HIVEP2: variants seen among roughly 807,000 people sequenced by gnomAD.
HIVEP2 encodes the protein HIVEP zinc finger 2, also known as transcription factor HIVEP2.
A neutral mutation model predicts 180.7 loss-of-function variants in HIVEP2; 14 were observed. The ratio of observed to expected loss-of-function variants is 0.08; its 90% CI spans 0.05 to 0.12. The LOEUF (loss-of-function observed/expected upper bound fraction) is 0.12. Among genes scored for constraint, HIVEP2 ranks in the 10% least tolerant of loss-of-function variants. The pLI is 1.00. For missense variants in HIVEP2, 2,579 were observed against 3,008.5 expected (o/e 0.86, Z 3.34); for synonymous variants, 1,184 against 1,136.4 (o/e 1.04, Z -0.84).
chr6:142,897,470 G>A (rs1477477608), intron 1 of HIVEP2, among the ~76,000 whole-genome samples: 1 of 152,122 alleles, frequency 6.6e-6, no homozygotes, highest in Non-Finnish European at 1.5e-5. Flanking sequence ...ATTCATCAAT[G>A]GTAGAACGAA....
At chr6:142,842,691 T>A (rs1775398950) in intron 1 of HIVEP2, among the ~76,000 whole-genome samples, 1 of 152,138 alleles carries the variant, frequency 6.6e-6, no homozygotes. Context: ...CCACAAATTT[T>A]CTTTCCCAGA....
chr6:142,822,667 T>A (rs756324118), intron 2 of HIVEP2, among the ~76,000 whole-genome samples: 1 of 152,180 alleles, frequency 6.6e-6, no homozygotes, highest in Non-Finnish European at 1.5e-5. Context: ...AAATAATAAA[T>A]CCCTTTATAA....
chr6:142,834,036 G>A, intron 2 of HIVEP2, among the ~76,000 whole-genome samples: 1 of 152,156 alleles, frequency 6.6e-6, no homozygotes, highest in Admixed American at 6.5e-5. Context: ...TACTCTGAAT[G>A]ATCTGTGATA....
At chr6:142,918,518 G>A (rs923087127) in intron 1 of HIVEP2, among the ~76,000 whole-genome samples, 9 of 152,188 alleles carry the variant, frequency 5.9e-5, no homozygotes, top group Non-Finnish European at 1.3e-4. Context: ...GTTCTGCCCT[G>A]GCTTTGCGAC....
At chr6:142,903,435 G>GT (rs1222351569) in intron 1 of HIVEP2, among the ~76,000 whole-genome samples, 1 of 152,162 alleles carries the variant, frequency 6.6e-6, no homozygotes, top group African/African-American at 2.4e-5. Flanking sequence ...TATCTCTTAA[G>GT]TTGAAATTCT....
intron 1 of HIVEP2, among the ~76,000 whole-genome samples, chr6:142,941,366 A>G (rs1235361175): frequency 6.6e-6 from 1 of 152,216 alleles, no homozygotes; most frequent in African/African-American, 2.4e-5. Context: ...GGCTTACTCA[A>G]CCTCTTTTTC....
intron 1 of HIVEP2, among the ~76,000 whole-genome samples, chr6:142,885,671 A>G (rs898058118): frequency 2.0e-5 from 3 of 152,160 alleles, no homozygotes; most frequent in East Asian, 1.9e-4. Flanking sequence ...ACTTTCTTAC[A>G]AGAGACCTGA....
chr6:142,934,187 T>C (rs1018846996), intron 1 of HIVEP2, among the ~76,000 whole-genome samples: 4 of 152,152 alleles, frequency 2.6e-5, no homozygotes, highest in African/African-American at 9.7e-5. Flanking sequence ...TGAATTATTC[T>C]CAAAACTTAG....
chr6:142,868,376 A>C (rs1288672469), intron 1 of HIVEP2, among the ~76,000 whole-genome samples: 1 of 152,200 alleles, frequency 6.6e-6, no homozygotes, highest in East Asian at 1.9e-4. Context: ...CATGAGCAAA[A>C]CACATTTTAA....
chr6:142,885,194 G>T (rs898057421), intron 1 of HIVEP2, among the ~76,000 whole-genome samples: 24 of 152,080 alleles, frequency 1.6e-4, no homozygotes, highest in African/African-American at 5.3e-4. Context: ...CCATGGCAAG[G>T]TTCTGACTGC....
At chr6:142,929,100 C>A (rs1777883726) in intron 1 of HIVEP2, among the ~76,000 whole-genome samples, 1 of 152,180 alleles carries the variant, frequency 6.6e-6, no homozygotes, top group Admixed American at 6.5e-5. Flanking sequence ...TCCATTAAAT[C>A]TCTGCAGCAA....
At chr6:142,877,312 AG>A (rs1352688323) in intron 1 of HIVEP2, among the ~76,000 whole-genome samples, 2 of 152,232 alleles carry the variant, frequency 1.3e-5, no homozygotes, top group African/African-American at 4.8e-5. Flanking sequence ...AAGTTTTATT[AG>A]GTGACTGCTA....
At chr6:142,937,337 T>C (rs1335795899) in intron 1 of HIVEP2, among the ~76,000 whole-genome samples, 2 of 152,262 alleles carry the variant, frequency 1.3e-5, no homozygotes, top group Non-Finnish European at 2.9e-5. Context: ...GTTTTTCTTA[T>C]AGTCTAATAC....
chr6:142,768,515 A>T lies in HIVEP2; in HGVS notation c.5209T>A (p.Leu1737Ile). ...FTQMKPDASF[L>I]FGSKLERKLV... ...TTCCTTTCTAGTTTGCTGCCAAATA[A>T]AAAGGACGCATCAGGTTTCATCTGT... Residue 1737 changes from leucine (L) to isoleucine (I), a missense_variant, in exon 6 of 10, where the codon TTA (leucine) becomes ATA (isoleucine). By Grantham distance (5) the Leu-to-Ile change is conservative. Transcript: ENST00000367603. 1 of 1,613,528 alleles carries T rather than the reference A, an allele frequency of 6.2e-7. No individual in the cohort carries two copies. The highest frequency in any genetic ancestry group is 8.5e-7 in the Non-Finnish European group (1 of 1,179,716).
At chr6:142,920,760 T>G (rs765641786) in intron 1 of HIVEP2, among the ~76,000 whole-genome samples, 1 of 152,042 alleles carries the variant, frequency 6.6e-6, no homozygotes, top group Admixed American at 6.5e-5. Context: ...GGCAGGAGGA[T>G]CACTTGAGCC....
Position 142,753,908 on chromosome 6 carries a change from CTGAGGTAATCCT to C in HIVEP2, c.6528_6539del (p.Gly2177_Gln2180del), listed in dbSNP as rs1413313364. On this transcript the variant is annotated inframe_deletion, in exon 10 of 10. Coordinates refer to ENST00000367603, the MANE Select transcript of HIVEP2 (RefSeq NM_006734.4). ...CTCCATAGAGACTGAAGTAAGGAAC[CTGAGGTAATCCT>C]CTTCTTAAATTCTGCGCAGAGAAAC... is the stretch of plus-strand genomic sequence containing the variant. 18 of 1,599,046 alleles carry C rather than the reference CTGAGGTAATCCT, an allele frequency of 1.1e-5. No homozygotes were observed. The highest frequency in any genetic ancestry group is 1.5e-5 in the Non-Finnish European group (17 of 1,170,044).
At position 142,772,826 on chromosome 6, in the gene HIVEP2, T is replaced by C. The variant is rs745452954; in HGVS notation, c.1913A>G (p.Tyr638Cys). Reference sequence around the variant, plus strand: ...CTTATAGGGTTTCCGACAGACATCATAGTCATACCCAACCCTGTCCCCAGG... The same window carrying C: ...CTTATAGGGTTTCCGACAGACATCACAGTCATACCCAACCCTGTCCCCAGG... ...LSPGDRVGYDYDVCRKPYKKW... is the reference protein window; with the variant it reads ...LSPGDRVGYDCDVCRKPYKKW... The change falls in exon 5 of 10, where the codon TAT (tyrosine) becomes TGT (cysteine). Residue 638 changes from tyrosine (Y) to cysteine (C), a missense_variant. Around this residue, in one of 11 missense-constraint regions of HIVEP2, gnomAD observed 524 missense variants for 563.6 expected, o/e 0.93. Coordinates refer to ENST00000367603, the MANE Select transcript of HIVEP2 (RefSeq NM_006734.4). The surrounding 1 kb of genome is among the most constrained non-coding windows in gnomAD (Gnocchi z 4.9). 1.2e-5 allele frequency: 19 copies of C among 1,614,120 alleles called. No homozygotes were observed. Among genetic ancestry groups the C allele is most frequent in the Non-Finnish European group, 1.6e-5 (19 of 1,180,046 alleles).
At position 142,809,284 on chromosome 6, in the gene HIVEP2, T is replaced by C. The variant is rs562058914; in HGVS notation, c.-527-25669A>G. On this transcript the variant is annotated intron_variant, in intron 2 of 9. Coordinates refer to ENST00000367603, the MANE Select transcript of HIVEP2 (RefSeq NM_006734.4). Reference sequence around the variant, plus strand: ...TCTTACTCCTCCTTCAGGCCTCAATTCTGGCACCATCTTTTCCCTGAAGCC... The same window carrying C: ...TCTTACTCCTCCTTCAGGCCTCAATCCTGGCACCATCTTTTCCCTGAAGCC... Among the ~76,000 whole-genome samples, 4 of 152,222 alleles carry C rather than the reference T, an allele frequency of 2.6e-5. No homozygotes were observed. In the East Asian group the frequency reaches 7.7e-4, roughly 29 times the overall value.
At position 142,752,079 on chromosome 6, in the gene HIVEP2, T is replaced by C. The variant is rs1014721639; in HGVS notation, c.*1028A>G. The C allele has an allele frequency of 6.5e-6, 1 of 152,714 alleles. No homozygotes were observed. Among genetic ancestry groups the C allele is most frequent in the Non-Finnish European group, 1.5e-5 (1 of 68,100 alleles). 9.5% of individuals were successfully genotyped at this position (152,714 alleles called of 1,614,324 possible). A position where few individuals can be genotyped will look rare whatever the true frequency, so the allele number is the denominator to read the frequency against. On this transcript the variant is annotated 3_prime_UTR_variant, in exon 10 of 10. Coordinates refer to ENST00000367603, the MANE Select transcript of HIVEP2 (RefSeq NM_006734.4). ...CCACCGGGCCGGCCGATAACCAAGC[T>C]CTACACAGTCCCATGTGCTTTGTCA...
Sources: allele counts gnomAD v4.1 joint callset (sites outside exome capture counted in the v4.1 genomes callset), GRCh38; gene constraint gnomAD v4.1.1; regional missense constraint gnomAD v4.1.1; non-coding constraint Gnocchi (gnomAD v3.1); transcripts MANE v1.5; gene names NCBI Gene and HGNC (gene_info 2026-07-23, HGNC 2026-07-21).